Variants in NCAM2 observed in about 807,000 individuals in gnomAD.
NCAM2 encodes N-CAM-2.
A neutral mutation model predicts 98.1 loss-of-function variants in NCAM2; 30 were observed. The observed-to-expected ratio is 0.31, with a 90% CI of 0.23 to 0.41. NCAM2 has a LOEUF of 0.41. NCAM2 is among the 10% of genes least tolerant of loss of function. The pLI is 1.00. For missense variants in NCAM2, 867 were observed against 1,005.8 expected (o/e 0.86, Z 1.87); for synonymous variants, 368 against 342.4 (o/e 1.07, Z -0.83).
At chr21:21,410,054 AC>A in intron 9 of NCAM2, among the ~76,000 whole-genome samples, 2 of 152,056 alleles carry the variant, frequency 1.3e-5, no homozygotes, top group East Asian at 3.9e-4. Flanking sequence ...AATGGCATCA[AC>A]CCAGGAGGCG....
intron 1 of NCAM2, among the ~76,000 whole-genome samples, chr21:21,111,681 A>T (rs2066457616): frequency 6.6e-6 from 1 of 152,176 alleles, no homozygotes; most frequent in Non-Finnish European, 1.5e-5. Flanking sequence ...ATTTGGTGGA[A>T]GGGGAAAGGT....
chr21:20,998,646 A>G (rs766937794), intron 1 of NCAM2, 28 bp downstream of exon 1: 2 of 1,609,098 alleles, frequency 1.2e-6, no homozygotes, highest in Admixed American at 3.3e-5. Flanking sequence ...TATTGCATTT[A>G]CTTTCCCTCC....
At chr21:21,415,588 G>T (rs528830409) in intron 10 of NCAM2, among the ~76,000 whole-genome samples, 2 of 152,232 alleles carry the variant, frequency 1.3e-5, no homozygotes, top group South Asian at 2.1e-4. Context: ...GCCCGCCTCG[G>T]CCTCCCAAAG....
chr21:21,186,600 G>T (rs888463325), intron 1 of NCAM2, among the ~76,000 whole-genome samples: 2 of 152,078 alleles, frequency 1.3e-5, no homozygotes, highest in African/African-American at 4.8e-5. Context: ...ATTAAATCAT[G>T]TAAGTGTTTA....
chr21:21,352,634 T>C (rs949281170), intron 8 of NCAM2, among the ~76,000 whole-genome samples: 17 of 151,754 alleles, frequency 1.1e-4, no homozygotes, highest in East Asian at 9.8e-4. Flanking sequence ...AATCAAGATA[T>C]AAGACCTACC....
intron 1 of NCAM2, among the ~76,000 whole-genome samples, chr21:21,103,858 A>G (rs982855543): frequency 1.3e-5 from 2 of 152,136 alleles, no homozygotes; most frequent in African/African-American, 2.4e-5. Flanking sequence ...TTATCGATAC[A>G]TCTTGATGAG....
At chr21:21,036,536 A>C (rs1048104547) in intron 1 of NCAM2, among the ~76,000 whole-genome samples, 4 of 152,242 alleles carry the variant, frequency 2.6e-5, no homozygotes, top group Non-Finnish European at 5.9e-5. Flanking sequence ...TAATATGCTT[A>C]TGGGCACAGA....
At chr21:21,114,068 G>A (rs530275841) in intron 1 of NCAM2, among the ~76,000 whole-genome samples, 40 of 152,106 alleles carry the variant, frequency 2.6e-4, no homozygotes, top group African/African-American at 7.0e-4. Context: ...GTGTGTGAAT[G>A]TATATGTTCT....
chr21:21,387,100 T>C (rs1254121461), intron 9 of NCAM2, among the ~76,000 whole-genome samples: 2 of 151,798 alleles, frequency 1.3e-5, no homozygotes, highest in Admixed American at 1.3e-4. Flanking sequence ...AGTTGGAGAT[T>C]AGGATGCTAG....
chr21:21,094,056 A>G (rs757785794), intron 1 of NCAM2, among the ~76,000 whole-genome samples: 3 of 151,930 alleles, frequency 2.0e-5, no homozygotes, highest in African/African-American at 4.8e-5. Flanking sequence ...GTTCATGTCC[A>G]TGAGAGGAGA....
chr21:21,349,920 T>TG (rs1361627342), intron 8 of NCAM2, among the ~76,000 whole-genome samples: 1 of 152,106 alleles, frequency 6.6e-6, no homozygotes, highest in Non-Finnish European at 1.5e-5. Flanking sequence ...AACCAGATGA[T>TG]GGGAAGTATA....
chr21:21,407,498 AGT>A lies in NCAM2; in HGVS notation c.1196-2775_1196-2774del, dbSNP rs563126299. ...ACAACAAATCTTACCCTCAGTATAT[AGT>A]TAAATTACACTATTAAAATACACTA... On this transcript the variant is annotated intron_variant, in intron 9 of 17. Transcript: ENST00000400546. Among the ~76,000 whole-genome samples the A allele has an allele frequency of 1.5e-3, 221 of 152,334 alleles. 2 individuals carry two copies. Among genetic ancestry groups the A allele is most frequent in the Non-Finnish European group, 2.6e-3 (179 of 68,026 alleles).
chr21:21,021,829 GT>G (rs2064443425), intron 1 of NCAM2, among the ~76,000 whole-genome samples: 2 of 152,200 alleles, frequency 1.3e-5, no homozygotes, highest in South Asian at 4.1e-4. Context: ...CAGTGTTAGA[GT>G]TTTTTAATTT....
chr21:21,401,021 A>C (rs1238942119), intron 9 of NCAM2, among the ~76,000 whole-genome samples: 4 of 152,194 alleles, frequency 2.6e-5, no homozygotes, highest in Non-Finnish European at 5.9e-5. Flanking sequence ...GAAAAGAAAA[A>C]AAGGCCAAAC....
intron 4 of NCAM2, among the ~76,000 whole-genome samples, chr21:21,291,832 G>T (rs2073307237): frequency 6.6e-6 from 1 of 151,180 alleles, no homozygotes; most frequent in African/African-American, 2.4e-5. Flanking sequence ...GTACCAAGGG[G>T]AAATAATAGC....
chr21:21,502,695 A>G (rs944076322), intron 15 of NCAM2, among the ~76,000 whole-genome samples: 1 of 151,976 alleles, frequency 6.6e-6, no homozygotes, highest in African/African-American at 2.4e-5. Context: ...GTACGTAGTA[A>G]TATCATCAAC....
intron 15 of NCAM2, among the ~76,000 whole-genome samples, chr21:21,491,276 A>G (rs1273989386): frequency 6.6e-6 from 1 of 151,860 alleles, no homozygotes; most frequent in African/African-American, 2.4e-5. Flanking sequence ...AAATAATCAT[A>G]TATTTCAATA....
At chr21:21,142,377 G>GTTTTTTTTTTTT (rs10686568) in intron 1 of NCAM2, among the ~76,000 whole-genome samples, 2 of 107,176 alleles carry the variant, frequency 1.9e-5, no homozygotes, top group Non-Finnish European at 3.4e-5. Context: ...TTTTTTTTAT[G>GTTTTTTTTTTTT]TTTTTTTTTT....
At chr21:21,184,951 G>T (rs541958789) in intron 1 of NCAM2, among the ~76,000 whole-genome samples, 2 of 152,232 alleles carry the variant, frequency 1.3e-5, no homozygotes, top group African/African-American at 4.8e-5. Flanking sequence ...CACACTTACA[G>T]ATGCATTTGT....
Sources: gnomAD v4.1 joint callset for allele counts (sites outside exome capture counted in the v4.1 genomes callset) on GRCh38, gnomAD v4.1.1 for gene constraint, MANE v1.5 for transcripts, NCBI Gene and HGNC (gene_info 2026-07-23, HGNC 2026-07-21) for gene names.